Variants in MAP3K1 observed in about 807,000 individuals in gnomAD.
MAP3K1 encodes mitogen-activated protein kinase kinase kinase 1, also known as MAP/ERK kinase kinase 1.
Under a neutral mutation model 144.2 loss-of-function variants are expected in MAP3K1, and 36 were observed. The observed-to-expected ratio is 0.25, with a 90% CI of 0.19 to 0.33. MAP3K1 has a LOEUF of 0.33. Among genes scored for constraint, MAP3K1 ranks in the 10% least tolerant of loss-of-function variants. The probability of loss-of-function intolerance (pLI) is 1.00; values close to 1 mark genes in which losing one functional copy is unlikely to be tolerated. For synonymous variants in MAP3K1, 718 were observed against 688.7 expected (o/e 1.04, Z -0.67); for missense variants, 1,650 against 1,881.9 (o/e 0.88, Z 2.28).
At chr5:56,820,772 G>C (rs1393946482) in intron 1 of MAP3K1, 1 of 985,306 alleles carries the variant, frequency 1.0e-6, no homozygotes, top group Non-Finnish European at 1.2e-6. Context: ...TGGTGGTCTT[G>C]AGTGGTGGAG....
At chr5:56,859,586 A>G in intron 2 of MAP3K1, 129 bp from the exon 3 acceptor site, 1 of 654,362 alleles carries the variant, frequency 1.5e-6, no homozygotes, top group African/African-American at 1.8e-5. Flanking sequence ...AAGTTGATAT[A>G]TTGTCTGGTA....
At chr5:56,887,790 TAAACTC>T (rs1748428853) in intron 18 of MAP3K1, 2 of 489,018 alleles carry the variant, frequency 4.1e-6, no homozygotes, top group Non-Finnish European at 7.4e-6. Context: ...TGTTTTGTAA[TAAACTC>T]AAAGTGCACA....
In MAP3K1 at chr5:56,815,656, G is replaced by T. The variant is rs757493757; in HGVS notation, c.83G>T (p.Gly28Val). The T allele has an allele frequency of 2.3e-5, 31 of 1,335,016 alleles. No homozygotes were observed. The highest frequency in any genetic ancestry group is 2.8e-5 in the Non-Finnish European group (29 of 1,042,658). The allele number at this position is 1,335,016 out of a possible 1,614,324, so 82.7% of individuals were successfully genotyped here. ...ACGAGCCCTGAGGCAGGCGGCGGCG[G>T]AGGAGCCCTCAAGGCGAGCAGCGCG... Reference protein sequence around the residue: ...RATSPEAGGGGGALKASSAPA... With the variant: ...RATSPEAGGGVGALKASSAPA... The change falls in exon 1 of 20, where the codon GGA (glycine) becomes GTA (valine). Residue 28 changes from glycine to valine, a missense_variant. This residue lies in a region of MAP3K1 where 360 missense variants were observed against 274.7 expected (regional missense o/e 1.31). Transcript: ENST00000399503.
chr5:56,845,624 T>G (rs1746968387), intron 1 of MAP3K1, among the ~76,000 whole-genome samples: 1 of 152,178 alleles, frequency 6.6e-6, no homozygotes, highest in Non-Finnish European at 1.5e-5. Context: ...AAAAACACGT[T>G]TAGCCAAAAA....
chr5:56,883,480 A>G (rs1561201291), intron 14 of MAP3K1, 47 bp from the exon 15 acceptor site: 6 of 1,589,024 alleles, frequency 3.8e-6, no homozygotes, highest in Non-Finnish European at 5.2e-6. Context: ...ATTTCACAAA[A>G]TCTTACTCCT....
intron 10 of MAP3K1, among the ~76,000 whole-genome samples, chr5:56,878,092 C>G (rs774335115): frequency 8.5e-5 from 13 of 152,184 alleles, no homozygotes; most frequent in Non-Finnish European, 1.0e-4. Context: ...AAGGTAATGT[C>G]TACCAAGTTT....
chr5:56,856,518 A>G, intron 1 of MAP3K1, 82 bp from the exon 2 acceptor site: 2 of 1,200,938 alleles, frequency 1.7e-6, no homozygotes, highest in Non-Finnish European at 2.4e-6. Flanking sequence ...AGTATAAAAT[A>G]GAACCATCCA....
chr5:56,846,080 C>T (rs894793909), intron 1 of MAP3K1, among the ~76,000 whole-genome samples: 2 of 152,158 alleles, frequency 1.3e-5, no homozygotes. Flanking sequence ...CAGACAGTAA[C>T]TTTACAATTC....
At chr5:56,817,994 T>A (rs1746031540) in intron 1 of MAP3K1, among the ~76,000 whole-genome samples, 1 of 151,998 alleles carries the variant, frequency 6.6e-6, no homozygotes, top group Non-Finnish European at 1.5e-5. Context: ...AGGTGTAGAT[T>A]ATAATTGCAC....
intron 1 of MAP3K1, among the ~76,000 whole-genome samples, chr5:56,831,421 C>T (rs1329550828): frequency 6.6e-6 from 1 of 152,044 alleles, no homozygotes; most frequent in African/African-American, 2.4e-5. Flanking sequence ...TAGGCAGATT[C>T]TATGAGAGAC....
At chr5:56,869,499 T>TTA (rs1747786563) in intron 6 of MAP3K1, among the ~76,000 whole-genome samples, 1 of 152,162 alleles carries the variant, frequency 6.6e-6, no homozygotes, top group Non-Finnish European at 1.5e-5. Flanking sequence ...AAAAAAAGAA[T>TTA]TATGTATATG....
intron 6 of MAP3K1, among the ~76,000 whole-genome samples, chr5:56,868,616 C>T (rs1747750938): frequency 6.6e-6 from 1 of 152,138 alleles, no homozygotes; most frequent in Non-Finnish European, 1.5e-5. Context: ...GATCTCCTGA[C>T]CTCATGATCT....
In MAP3K1 at chr5:56,885,939, G is replaced by A. The variant is rs757922345; in HGVS notation, c.3990G>A (p.Ser1330=). The change falls in exon 17 of 20, where the codon TCG becomes TCA. Residue 1330 remains serine (S), a synonymous_variant. Coordinates refer to ENST00000399503, the MANE Select transcript of MAP3K1 (RefSeq NM_005921.2). ...ATTTCTATTGTCTTATAGGGGGATC[G>A]GTGGCTCATTTGCTGAGTAAATATG... is the stretch of plus-strand genomic sequence containing the variant. ...NLFIEWMAGG[S]VAHLLSKYGA... is the part of the protein sequence containing the mutation. 66 of 1,611,246 alleles carry A rather than the reference G, an allele frequency of 4.1e-5. No individual in the cohort carries two copies. The East Asian group carries it at 7.4e-4, about 18-fold the overall frequency.
chr5:56,856,113 TAATC>T (rs1242946248), intron 1 of MAP3K1, among the ~76,000 whole-genome samples: 4 of 152,208 alleles, frequency 2.6e-5, no homozygotes, highest in Non-Finnish European at 5.9e-5. Context: ...AATAAAAATT[TAATC>T]ATGTAGGCTA....
chr5:56,875,343 T>C (rs1333819121), intron 10 of MAP3K1, 33 bp downstream of exon 10: 5 of 1,611,078 alleles, frequency 3.1e-6, no homozygotes, highest in Non-Finnish European at 3.4e-6. Context: ...CATATCATTA[T>C]GGGTTTGGGG....
At chr5:56,842,303 G>A (rs1746838288) in intron 1 of MAP3K1, 1 of 152,216 alleles carries the variant, frequency 6.6e-6, no homozygotes. Flanking sequence ...CATAGTGGAG[G>A]AGGACAGGAC....
chr5:56,859,199 A>AACACAC (rs113617625), intron 2 of MAP3K1, among the ~76,000 whole-genome samples: 18,192 of 151,314 alleles, frequency 0.12, 1,371 homozygotes, highest in East Asian at 0.34. Flanking sequence ...ATTGTAAAGA[A>AACACAC]ACACACACAC....
intron 10 of MAP3K1, among the ~76,000 whole-genome samples, chr5:56,876,054 A>G (rs141218937): frequency 6.6e-6 from 1 of 152,190 alleles, no homozygotes; most frequent in East Asian, 1.9e-4. Flanking sequence ...CATGGGTGGA[A>G]TAGAGTGACA....
chr5:56,865,467 A>G lies in MAP3K1; in HGVS notation c.1152+11A>G. ...TTAAAGAATTTTGAGGTAGTTTTTA[A>G]TAAATGCTTAGAGTAAAATTGTTAG... On this transcript the variant is annotated intron_variant, in intron 5 of 19. Coordinates refer to ENST00000399503, the MANE Select transcript of MAP3K1 (RefSeq NM_005921.2). The G allele has an allele frequency of 5.1e-6, 7 of 1,359,400 alleles. No individual in the cohort carries two copies. Among genetic ancestry groups the G allele is most frequent in the Non-Finnish European group, 7.4e-6 (7 of 947,932 alleles). 84.2% of individuals were successfully genotyped at this position (1,359,400 alleles called of 1,614,324 possible). A position where few individuals can be genotyped will look rare whatever the true frequency, so the allele number is the denominator to read the frequency against.
Sources: gnomAD v4.1 joint callset for allele counts (sites outside exome capture counted in the v4.1 genomes callset) on GRCh38, gnomAD v4.1.1 for gene constraint, gnomAD v4.1.1 regional missense constraint, MANE v1.5 for transcripts, NCBI Gene and HGNC (gene_info 2026-07-23, HGNC 2026-07-21) for gene names.